Variants in ASAP1 observed in about 807,000 individuals in gnomAD.
ASAP1 encodes arf-GAP with SH3 domain, ANK repeat and PH domain-containing protein 1.
A neutral mutation model predicts 145.2 loss-of-function variants in ASAP1; 43 were observed. That is an observed-to-expected ratio of 0.30 (90% CI 0.23 to 0.38). The LOEUF is 0.38. Ranked by LOEUF, ASAP1 falls within the 10% of genes least tolerant of loss-of-function variation. The probability of loss-of-function intolerance (pLI) is 1.00; values close to 1 mark genes in which losing one functional copy is unlikely to be tolerated. For missense variants in ASAP1, 1,018 were observed against 1,355.3 expected, an observed-to-expected ratio of 0.75 and a Z score of 3.91; for synonymous variants, 546 against 515.5, an observed-to-expected ratio of 1.06 and a Z score of -0.80.
intron 1 of ASAP1, among the ~76,000 whole-genome samples, chr8:130,404,521 G>T (rs1387456874): frequency 1.3e-5 from 2 of 152,160 alleles, no homozygotes; most frequent in African/African-American, 4.8e-5. Flanking sequence ...CTAAGCACAC[G>T]CTTATGAAAA....
intron 4 of ASAP1, among the ~76,000 whole-genome samples, chr8:130,229,106 A>C (rs1321713359): frequency 1.3e-5 from 2 of 152,216 alleles, no homozygotes; most frequent in African/African-American, 4.8e-5. Context: ...TATGGCACTG[A>C]TTATCAATGA....
At chr8:130,164,447 C>T (rs2097675918) in intron 11 of ASAP1, among the ~76,000 whole-genome samples, 1 of 152,026 alleles carries the variant, frequency 6.6e-6, no homozygotes, top group African/African-American at 2.4e-5. Context: ...AAAAATTAGC[C>T]AGGCGTGGTG....
At chr8:130,329,073 T>C (rs931218565) in intron 3 of ASAP1, among the ~76,000 whole-genome samples, 4 of 152,188 alleles carry the variant, frequency 2.6e-5, no homozygotes, top group Non-Finnish European at 4.4e-5. Context: ...TTCATTTTAC[T>C]CCTGACCAGA....
intron 1 of ASAP1, among the ~76,000 whole-genome samples, chr8:130,437,642 C>T (rs1235950335): frequency 6.6e-6 from 1 of 152,174 alleles, no homozygotes; most frequent in Non-Finnish European, 1.5e-5. Flanking sequence ...GAAATAGGCA[C>T]ACAGTGTTGT....
intron 5 of ASAP1, among the ~76,000 whole-genome samples, chr8:130,191,763 C>T (rs1306541846): frequency 6.6e-6 from 1 of 152,108 alleles, no homozygotes; most frequent in East Asian, 1.9e-4. Context: ...CTAGCTTACT[C>T]CCTGATACCT....
intron 12 of ASAP1, among the ~76,000 whole-genome samples, chr8:130,159,642 T>C (rs1486763651): frequency 2.0e-5 from 3 of 151,628 alleles, no homozygotes; most frequent in Non-Finnish European, 2.9e-5. Context: ...CTTCCTATAA[T>C]TGCACGTTAC....
chr8:130,394,797 C>A (rs1267932234), intron 2 of ASAP1, among the ~76,000 whole-genome samples: 2 of 152,164 alleles, frequency 1.3e-5, no homozygotes, highest in African/African-American at 4.8e-5. Context: ...ACGTGACTAT[C>A]AGGGGCAGGT....
intron 9 of ASAP1, among the ~76,000 whole-genome samples, chr8:130,169,432 A>G (rs536323431): frequency 7.2e-5 from 11 of 152,360 alleles, no homozygotes; most frequent in Admixed American, 4.6e-4. Flanking sequence ...AAGGAGAGAG[A>G]AGGACACATT....
chr8:130,419,291 T>C (rs1829619457), intron 1 of ASAP1, among the ~76,000 whole-genome samples: 1 of 152,194 alleles, frequency 6.6e-6, no homozygotes, highest in Admixed American at 6.5e-5. Context: ...TGGGCCTCAC[T>C]GGCTTAAAAC....
At chr8:130,066,672 A>C (rs12546088) in intron 27 of ASAP1, among the ~76,000 whole-genome samples, 25,336 of 151,124 alleles carry the variant, frequency 0.17, 2,596 homozygotes, top group East Asian at 0.44. Flanking sequence ...AATAGTTCCT[A>C]TACCTACCAA....
intron 13 of ASAP1, among the ~76,000 whole-genome samples, chr8:130,146,054 G>A (rs1387352441): frequency 6.9e-6 from 1 of 145,598 alleles, no homozygotes. Context: ...GTTTTGCCAC[G>A]TAGCCCAGGC....
chr8:130,188,677 T>TGAGCCGA (rs1467034493), intron 5 of ASAP1, among the ~76,000 whole-genome samples: 38 of 95,270 alleles, frequency 4.0e-4, no homozygotes, highest in Admixed American at 8.0e-4. Context: ...GAGGTTGCAG[T>TGAGCCGA]GAGCCGAGAT....
Position 130,060,563 on chromosome 8 carries a change from A to C in ASAP1, c.3192+16T>G. The C allele has an allele frequency of 6.3e-7, 1 of 1,582,462 alleles. No homozygotes were observed. The highest frequency in any genetic ancestry group is 1.1e-5 in the South Asian group (1 of 87,216). On this transcript the variant is annotated intron_variant, in intron 28 of 29. Coordinates refer to ENST00000518721, the MANE Select transcript of ASAP1 (RefSeq NM_018482.4). Reference sequence around the variant, plus strand: ...CGGAATAGGGTTCCTAAGGGCCTGAACATTGTCCCACCCACCGTATTGATT... The same window carrying C: ...CGGAATAGGGTTCCTAAGGGCCTGACCATTGTCCCACCCACCGTATTGATT...
In ASAP1 at chr8:130,118,529, T is replaced by G. The variant is rs1041004652; in HGVS notation, c.1754A>C (p.Glu585Ala). The G allele has an allele frequency of 1.9e-6, 3 of 1,614,008 alleles. No homozygotes were observed. The highest frequency in any genetic ancestry group is 2.5e-6 in the Non-Finnish European group (3 of 1,179,924). ...CAGTGGTTCCATTAGCTCTACCCCT[T>G]CTGCATAGACTTGAATTAGTGCAAG... ...DLLALIQVYA[E>A]GVELMEPLLE... The change falls in exon 19 of 30, where the codon GAA (glutamate) becomes GCA (alanine). Residue 585 changes from glutamate (E) to alanine (A), a missense_variant. Glu to Ala is a moderately radical substitution (Grantham distance 107). Coordinates refer to ENST00000518721, the MANE Select transcript of ASAP1 (RefSeq NM_018482.4).
intron 5 of ASAP1, among the ~76,000 whole-genome samples, chr8:130,190,152 T>G (rs1815040039): frequency 6.6e-6 from 1 of 152,234 alleles, no homozygotes; most frequent in African/African-American, 2.4e-5. Context: ...TAACTTCATA[T>G]GATCCCACTT....
chr8:130,296,508 CT>C (rs554026885), intron 3 of ASAP1, among the ~76,000 whole-genome samples: 15,591 of 138,672 alleles, frequency 0.11, 900 homozygotes, highest in South Asian at 0.27. Flanking sequence ...TGCTACTTCC[CT>C]TTTTTTTTTT....
At chr8:130,422,661 A>T (rs1204860926) in intron 1 of ASAP1, among the ~76,000 whole-genome samples, 1 of 152,208 alleles carries the variant, frequency 6.6e-6, no homozygotes, top group Non-Finnish European at 1.5e-5. Flanking sequence ...CACTCCTTGA[A>T]GTAGGCCTGG....
At chr8:130,084,742 G>C (rs748876426) in intron 25 of ASAP1, 2 of 152,066 alleles carry the variant, frequency 1.3e-5, no homozygotes, top group Non-Finnish European at 2.9e-5. Context: ...GACAATGACA[G>C]TCCCACTTCC....
At chr8:130,363,337 A>G (rs1217668580) in intron 2 of ASAP1, among the ~76,000 whole-genome samples, 1 of 152,204 alleles carries the variant, frequency 6.6e-6, no homozygotes, top group Non-Finnish European at 1.5e-5. Context: ...AGCAGTCTGG[A>G]CAACATGGCG....
Sources: allele counts gnomAD v4.1 joint callset (sites outside exome capture counted in the v4.1 genomes callset), GRCh38; gene constraint gnomAD v4.1.1; transcripts MANE v1.5; gene names NCBI Gene and HGNC (gene_info 2026-07-23, HGNC 2026-07-21).